The following GRID2 variants were observed in gnomAD, a reference collection of about 807,000 sequenced individuals.
GRID2 encodes glutamate receptor ionotropic, delta-2.
Under a neutral mutation model 114.8 loss-of-function variants are expected in GRID2, and 33 were observed. The observed-to-expected ratio is 0.29, with a 90% confidence interval of 0.22 to 0.38. The LOEUF is 0.38. Among genes scored for constraint, GRID2 ranks in the 10% least tolerant of loss-of-function variants. GRID2 has a pLI of 1.00. For synonymous variants in GRID2, 505 were observed against 449.9 expected (o/e 1.12, Z -1.55); for missense variants, 1,184 against 1,257.7 (o/e 0.94, Z 0.89).
intron 1 of GRID2, among the ~76,000 whole-genome samples, chr4:92,333,970 A>G (rs1727033909): frequency 6.6e-6 from 1 of 152,050 alleles, no homozygotes; most frequent in Non-Finnish European, 1.5e-5. Flanking sequence ...GGCCCTTGCA[A>G]TTCTCCCATC....
chr4:92,951,809 A>G (rs544672968), intron 2 of GRID2, among the ~76,000 whole-genome samples: 1 of 150,926 alleles, frequency 6.6e-6, no homozygotes, highest in South Asian at 2.1e-4. Context: ...GAAATTATAT[A>G]TGCATTGTAT....
At chr4:93,420,055 G>A (rs994693705) in intron 9 of GRID2, among the ~76,000 whole-genome samples, 1 of 151,756 alleles carries the variant, frequency 6.6e-6, no homozygotes, top group South Asian at 2.1e-4. Flanking sequence ...TTTTGGTTTT[G>A]CAGGTCCTGA....
chr4:93,795,438 C>T (rs1170271967), intron 1 of GRID2, among the ~76,000 whole-genome samples: 1 of 151,844 alleles, frequency 6.6e-6, no homozygotes, highest in Non-Finnish European at 1.5e-5. Context: ...TGAAAAATTA[C>T]AAGAGAAAGA....
Position 92,384,021 on chromosome 4 carries a change from G to A in GRID2, c.88+79277G>A, listed in dbSNP as rs77313228. The stretch of plus-strand genomic sequence containing the variant: ...ACCTTTCTTAATGGAAATATCTTAA[G>A]CATTAAAAAACAGGAGAATAAGGAT... On this transcript the variant is annotated intron_variant, in intron 1 of 15. Coordinates refer to ENST00000282020, the MANE Select transcript of GRID2 (RefSeq NM_001510.4). Among the ~76,000 whole-genome samples the A allele has an allele frequency of 7.2e-3, 1,098 of 151,904 alleles. 16 individuals are homozygous for A. Among genetic ancestry groups the A allele is most frequent in the Middle Eastern group, 0.044 (13 of 294 alleles).
At position 92,829,382 on chromosome 4, in the gene GRID2, A is replaced by C. The variant is rs192134348; in HGVS notation, c.244+239096A>C. Among the ~76,000 whole-genome samples the C allele has an allele frequency of 8.5e-5, 13 of 152,276 alleles. No individual in the cohort carries two copies. The East Asian group carries it at 2.3e-3, about 27-fold the overall frequency. ...TGGAGAAATGCAAATCAAAACCACA[A>C]CAGGATACCATCTCATGCCAGTTAG... On this transcript the variant is annotated intron_variant, in intron 2 of 15. Transcript: ENST00000282020.
intron 1 of GRID2, among the ~76,000 whole-genome samples, chr4:92,416,198 ATCT>A (rs2110313630): frequency 6.6e-6 from 1 of 152,080 alleles, no homozygotes; most frequent in South Asian, 2.1e-4. Flanking sequence ...CTATTTGTAT[ATCT>A]TCTTTTGAGA....
At chr4:93,151,946 A>G (rs1736776553) in intron 4 of GRID2, among the ~76,000 whole-genome samples, 1 of 152,160 alleles carries the variant, frequency 6.6e-6, no homozygotes, top group South Asian at 2.1e-4. Flanking sequence ...GACATGAATC[A>G]GCCTCAATGT....
chr4:92,787,939 G>A (rs780376702), intron 2 of GRID2, among the ~76,000 whole-genome samples: 8 of 151,738 alleles, frequency 5.3e-5, no homozygotes, highest in Admixed American at 4.0e-4. Context: ...GGATAACCTC[G>A]TGGCTTTTAG....
chr4:93,380,205 G>A (rs1033482607), intron 8 of GRID2, among the ~76,000 whole-genome samples: 2 of 152,064 alleles, frequency 1.3e-5, no homozygotes, highest in Admixed American at 6.6e-5. Flanking sequence ...AAAGACATAC[G>A]GGGATTTAAA....
At chr4:93,406,473 G>A (rs1766431996) in intron 9 of GRID2, among the ~76,000 whole-genome samples, 1 of 152,100 alleles carries the variant, frequency 6.6e-6, no homozygotes, top group African/African-American at 2.4e-5. Flanking sequence ...AGCTGAGCAG[G>A]AAAATATTTA....
chr4:93,706,198 T>C (rs142987604), intron 14 of GRID2, among the ~76,000 whole-genome samples: 35 of 152,312 alleles, frequency 2.3e-4, no homozygotes, highest in African/African-American at 7.9e-4. Context: ...TTAACATTGT[T>C]TTTTCTATTT....
At chr4:92,966,622 T>A (rs756416649) in intron 2 of GRID2, among the ~76,000 whole-genome samples, 1 of 151,910 alleles carries the variant, frequency 6.6e-6, no homozygotes, top group Non-Finnish European at 1.5e-5. Context: ...CAAGATCTGA[T>A]GTTTTCATAA....
At chr4:93,260,500 A>G (rs1319041397) in intron 8 of GRID2, among the ~76,000 whole-genome samples, 1 of 151,696 alleles carries the variant, frequency 6.6e-6, no homozygotes, top group Non-Finnish European at 1.5e-5. Context: ...ATACGACTAC[A>G]TTAAAACAAT....
At chr4:92,800,690 T>C (rs1740109222) in intron 2 of GRID2, among the ~76,000 whole-genome samples, 1 of 151,978 alleles carries the variant, frequency 6.6e-6, no homozygotes, top group African/African-American at 2.4e-5. Flanking sequence ...TTCAGTATGG[T>C]ACAGGGGAGA....
At chr4:93,783,985 T>A (rs1168350760) in intron 1 of GRID2, among the ~76,000 whole-genome samples, 1 of 131,508 alleles carries the variant, frequency 7.6e-6, no homozygotes, top group African/African-American at 2.8e-5. Context: ...GGCAGGAGAA[T>A]GGCGTGAACC....
intron 14 of GRID2, among the ~76,000 whole-genome samples, chr4:93,718,842 T>C (rs897540488): frequency 2.0e-5 from 3 of 152,180 alleles, no homozygotes; most frequent in African/African-American, 7.2e-5. Context: ...TAATCTTCCA[T>C]CCAAGAACAT....
intron 2 of GRID2, among the ~76,000 whole-genome samples, chr4:92,975,865 G>C (rs192309693): frequency 6.6e-6 from 1 of 152,098 alleles, no homozygotes; most frequent in African/African-American, 2.4e-5. Context: ...ATTCTCTTCT[G>C]CTCCTAAGGT....
intron 8 of GRID2, among the ~76,000 whole-genome samples, chr4:93,395,056 T>C (rs1765201828): frequency 6.6e-6 from 1 of 151,928 alleles, no homozygotes; most frequent in Non-Finnish European, 1.5e-5. Context: ...TCCAAGCAAA[T>C]TGATAACACT....
rs570197645 is a variant in GRID2, at chr4:93,707,374, A to T, written c.2361-61836A>T. On this transcript the variant is annotated intron_variant, in intron 14 of 15. Coordinates refer to ENST00000282020, the MANE Select transcript of GRID2 (RefSeq NM_001510.4). ...GAAGACTTTATTACAGCTTTGAACT[A>T]AGTACTTGTTATTGATCTATTCAGG... 2.2e-4 allele frequency among the ~76,000 whole-genome samples: 34 copies of T among 152,072 alleles called. No homozygotes were observed. The South Asian group carries it at 6.8e-3, about 31-fold the overall frequency.
Sources: allele counts gnomAD v4.1 joint callset (sites outside exome capture counted in the v4.1 genomes callset), GRCh38; gene constraint gnomAD v4.1.1; transcripts MANE v1.5; gene names NCBI Gene and HGNC (gene_info 2026-07-23, HGNC 2026-07-21).